PLPP1: variants seen among roughly 807,000 people sequenced by gnomAD.
PLPP1 encodes phospholipid phosphatase 1.
In PLPP1, 24 loss-of-function variants were observed where a neutral mutation model predicts 31.2. The observed-to-expected ratio is 0.77, with a 90% confidence interval of 0.56 to 1.08. The LOEUF (loss-of-function observed/expected upper bound fraction) is 1.08. PLPP1 is among the 50% of genes least tolerant of loss of function. The pLI is 0.00. For missense variants in PLPP1, 319 were observed against 342.7 expected, an observed-to-expected ratio of 0.93 and a Z score of 0.55; for synonymous variants, 146 against 126.3, an observed-to-expected ratio of 1.16 and a Z score of -1.05.
At chr5:55,524,080 A>T (rs1226932797) in intron 1 of PLPP1, among the ~76,000 whole-genome samples, 2 of 152,234 alleles carry the variant, frequency 1.3e-5, no homozygotes, top group Non-Finnish European at 2.9e-5. Context: ...GCAATGTCAA[A>T]TACTTTAAAA....
At chr5:55,471,132 T>C (rs1436006023) in intron 2 of PLPP1, among the ~76,000 whole-genome samples, 1 of 152,046 alleles carries the variant, frequency 6.6e-6, no homozygotes, top group Non-Finnish European at 1.5e-5. Flanking sequence ...CCTAAATATC[T>C]CTAACCACTT....
rs1181717818 is a variant in PLPP1 at position 55,467,897 on chromosome 5, C to G, written c.463G>C (p.Gly155Arg). Reference sequence around the variant, plus strand: ...CCTTCCTTAACTCTTTCTGCATTCCCTCGACATATGTAGTATTCAATGTAA... The same window carrying G: ...CCTTCCTTAACTCTTTCTGCATTCCGTCGACATATGTAGTATTCAATGTAA... ...DGYIEYYICR[G>R]NAERVKEGRL... is the part of the protein sequence containing the mutation. Residue 155 changes from glycine (G) to arginine (R), a missense_variant, in exon 3 of 6, where the codon GGG becomes CGG. By Grantham distance (125) the Gly-to-Arg change is moderately radical. Transcript: ENST00000307259. 6.2e-7 allele frequency: 1 copy of G among 1,613,076 alleles called. No individual in the cohort carries two copies. Among genetic ancestry groups the G allele is most frequent in the Admixed American group, 1.7e-5 (1 of 59,852 alleles).
chr5:55,477,050 A>AAC lies in PLPP1; in HGVS notation c.59-1601_59-1600insGT, dbSNP rs770401536. Reference sequence around the variant, plus strand: ...TACGCCTTAAAAGAAAAAAAAAAAAATAATAAACTAGAGCTGACTTTGCTA... The same window carrying AAC: ...TACGCCTTAAAAGAAAAAAAAAAAAAACTAATAAACTAGAGCTGACTTTGCTA... On this transcript the variant is annotated intron_variant, in intron 1 of 5. Coordinates refer to ENST00000307259, the MANE Select transcript of PLPP1 (RefSeq NM_003711.4). 6.1e-5 allele frequency among the ~76,000 whole-genome samples: 9 copies of AAC among 148,734 alleles called. No individual in the cohort carries two copies. In the East Asian group the frequency reaches 1.6e-3, roughly 26 times the overall value.
intron 1 of PLPP1, among the ~76,000 whole-genome samples, chr5:55,489,962 GGAAT>G (rs953326954): frequency 7.2e-5 from 11 of 152,200 alleles, no homozygotes; most frequent in African/African-American, 2.4e-4. Flanking sequence ...GCAAGATTTA[GGAAT>G]GAGAGCCAAG....
chr5:55,463,586 A>C (rs1752216774), intron 3 of PLPP1, among the ~76,000 whole-genome samples: 1 of 151,886 alleles, frequency 6.6e-6, no homozygotes, highest in South Asian at 2.1e-4. Context: ...CAGTGAGCCG[A>C]GATTGTGCCA....
chr5:55,481,410 A>G (rs1442946527), intron 1 of PLPP1, among the ~76,000 whole-genome samples: 2 of 152,206 alleles, frequency 1.3e-5, no homozygotes, highest in Admixed American at 6.5e-5. Context: ...GTACGAATCT[A>G]AAACATACCA....
At chr5:55,514,557 CTAAAA>C (rs1222019022) in intron 1 of PLPP1, among the ~76,000 whole-genome samples, 1 of 152,102 alleles carries the variant, frequency 6.6e-6, no homozygotes, top group African/African-American at 2.4e-5. Context: ...GGCCCAGAAA[CTAAAA>C]TAAAGTTATA....
chr5:55,493,767 C>T (rs964046154), intron 1 of PLPP1, among the ~76,000 whole-genome samples: 5 of 151,522 alleles, frequency 3.3e-5, no homozygotes, highest in Admixed American at 6.6e-5. Context: ...GTAGTCCCAA[C>T]TACTTGGAAG....
At chr5:55,519,522 G>A (rs1026712720) in intron 1 of PLPP1, among the ~76,000 whole-genome samples, 1 of 152,106 alleles carries the variant, frequency 6.6e-6, no homozygotes, top group Admixed American at 6.5e-5. Flanking sequence ...GCCAAGGTGG[G>A]TGGATCACCT....
chr5:55,479,692 C>A (rs2111822880), intron 1 of PLPP1, among the ~76,000 whole-genome samples: 1 of 152,294 alleles, frequency 6.6e-6, no homozygotes, highest in South Asian at 2.1e-4. Flanking sequence ...CCTCAGTGAT[C>A]TTGCTGTTTG....
intron 1 of PLPP1, among the ~76,000 whole-genome samples, chr5:55,510,229 A>T (rs973926288): frequency 1.3e-5 from 2 of 152,262 alleles, no homozygotes; most frequent in Non-Finnish European, 2.9e-5. Context: ...TACTTGGCAT[A>T]ATCAAAAACG....
chr5:55,460,205 AT>A (rs1427462803), intron 3 of PLPP1, among the ~76,000 whole-genome samples: 1 of 152,220 alleles, frequency 6.6e-6, no homozygotes, highest in African/African-American at 2.4e-5. Flanking sequence ...TTAAATAAAG[AT>A]CCAATATATC....
chr5:55,489,899 A>T (rs992375839), intron 1 of PLPP1, among the ~76,000 whole-genome samples: 2 of 152,156 alleles, frequency 1.3e-5, no homozygotes, highest in Admixed American at 1.3e-4. Flanking sequence ...CAAGGAGGTA[A>T]ATCTTCACCT....
intron 1 of PLPP1, among the ~76,000 whole-genome samples, chr5:55,480,530 T>G (rs909177618): frequency 6.6e-6 from 1 of 152,130 alleles, no homozygotes; most frequent in Non-Finnish European, 1.5e-5. Flanking sequence ...ACATTTCATA[T>G]AAATGGAATT....
intron 1 of PLPP1, among the ~76,000 whole-genome samples, chr5:55,500,860 A>G (rs1234950829): frequency 6.6e-6 from 1 of 152,232 alleles, no homozygotes; most frequent in African/African-American, 2.4e-5. Flanking sequence ...TATCACAATA[A>G]AAACATTTTT....
intron 1 of PLPP1, among the ~76,000 whole-genome samples, chr5:55,520,400 A>T (rs1463654466): frequency 1.3e-5 from 2 of 152,254 alleles, no homozygotes; most frequent in Non-Finnish European, 2.9e-5. Flanking sequence ...ATCACATTTA[A>T]ATAGCAGACT....
chr5:55,443,186 AAAAAAAAT>A (rs1456409747), intron 3 of PLPP1, among the ~76,000 whole-genome samples: 1 of 19,060 alleles, frequency 5.2e-5, no homozygotes, highest in Admixed American at 8.1e-4. Flanking sequence ...TTAAAAAAAA[AAAAAAAAT>A]ATATATATAT....
chr5:55,442,982 G>A (rs948650334), intron 3 of PLPP1, among the ~76,000 whole-genome samples: 3 of 151,296 alleles, frequency 2.0e-5, no homozygotes, highest in African/African-American at 7.3e-5. Context: ...TTTTCCCTAC[G>A]TAAGAATAAG....
chr5:55,460,169 T>C (rs1421765662), intron 3 of PLPP1, among the ~76,000 whole-genome samples: 1 of 152,186 alleles, frequency 6.6e-6, no homozygotes, highest in Non-Finnish European at 1.5e-5. Context: ...GTCCCTGCAT[T>C]GTTTAAGGAT....
Sources: gnomAD v4.1 joint callset for allele counts (sites outside exome capture counted in the v4.1 genomes callset) on GRCh38, gnomAD v4.1.1 for gene constraint, MANE v1.5 for transcripts, NCBI Gene and HGNC (gene_info 2026-07-23, HGNC 2026-07-21) for gene names.